The following LRP1B variants were observed in gnomAD, a reference collection of about 807,000 sequenced individuals.
The protein encoded by LRP1B is LDL receptor related protein 1B, also known as low-density lipoprotein receptor-related protein 1B.
A neutral mutation model predicts 556.6 loss-of-function variants in LRP1B; 217 were observed. That is an observed-to-expected ratio of 0.39 (90% CI 0.35 to 0.44). LRP1B has a LOEUF of 0.44. Ranked by LOEUF, LRP1B falls within the 20% of genes least tolerant of loss-of-function variation. The pLI, the probability that LRP1B is intolerant of heterozygous loss-of-function variation, is 1.00. For synonymous variants in LRP1B, 2,047 were observed against 1,865.8 expected (o/e 1.10, Z -2.50); for missense variants, 5,053 against 5,620.8 (o/e 0.90, Z 3.23).
At chr2:141,366,764 A>G (rs1573863585) in intron 3 of LRP1B, among the ~76,000 whole-genome samples, 1 of 152,206 alleles carries the variant, frequency 6.6e-6, no homozygotes, top group African/African-American at 2.4e-5. Flanking sequence ...TTGCCCATCA[A>G]TTTAGAAAAC....
At chr2:141,046,654 G>A (rs899425104) in intron 11 of LRP1B, among the ~76,000 whole-genome samples, 2 of 152,060 alleles carry the variant, frequency 1.3e-5, no homozygotes, top group African/African-American at 4.8e-5. Flanking sequence ...TAGGTGGAAT[G>A]CAAAGAACCA....
chr2:142,031,610 A>G (rs1159420513), intron 1 of LRP1B, among the ~76,000 whole-genome samples: 1 of 149,214 alleles, frequency 6.7e-6, no homozygotes, highest in Non-Finnish European at 1.5e-5. Context: ...CATATTGTCA[A>G]CTAAAAAAAA....
chr2:141,186,756 T>C (rs1443056543), intron 7 of LRP1B, among the ~76,000 whole-genome samples: 1 of 152,064 alleles, frequency 6.6e-6, no homozygotes, highest in East Asian at 1.9e-4. Context: ...AAAATATGGT[T>C]CTTTCATACA....
chr2:141,406,701 T>C (rs542204025), intron 3 of LRP1B, among the ~76,000 whole-genome samples: 1 of 152,228 alleles, frequency 6.6e-6, no homozygotes, highest in African/African-American at 2.4e-5. Context: ...AGGCATGTTG[T>C]ATTAAATTAT....
chr2:140,415,404 C>T (rs193134826), intron 66 of LRP1B, among the ~76,000 whole-genome samples: 1 of 152,320 alleles, frequency 6.6e-6, no homozygotes, highest in Admixed American at 6.5e-5. Flanking sequence ...CCTGTTCTTA[C>T]ACCCCCTCTC....
intron 3 of LRP1B, among the ~76,000 whole-genome samples, chr2:141,437,749 T>C (rs1680816702): frequency 6.6e-6 from 1 of 151,804 alleles, no homozygotes; most frequent in South Asian, 2.1e-4. Context: ...AGGCTGTCTT[T>C]TCTAGTCACA....
At chr2:140,654,449 T>C (rs1188424461) in intron 41 of LRP1B, among the ~76,000 whole-genome samples, 1 of 152,192 alleles carries the variant, frequency 6.6e-6, no homozygotes, top group Admixed American at 6.5e-5. Context: ...CTTTATCAGT[T>C]ATTTTAAAGA....
chr2:141,112,660 G>A (rs1011337909), intron 7 of LRP1B, among the ~76,000 whole-genome samples: 2 of 152,144 alleles, frequency 1.3e-5, no homozygotes, highest in Non-Finnish European at 2.9e-5. Flanking sequence ...TTATGGATCG[G>A]TTGATGAAAA....
intron 4 of LRP1B, among the ~76,000 whole-genome samples, chr2:141,247,840 G>A (rs535241663): frequency 3.9e-5 from 6 of 152,226 alleles, no homozygotes; most frequent in Non-Finnish European, 8.8e-5. Flanking sequence ...TAAAGATTTT[G>A]TCTTAAATAA....
At chr2:141,875,167 T>C (rs1698713469) in intron 1 of LRP1B, among the ~76,000 whole-genome samples, 1 of 151,668 alleles carries the variant, frequency 6.6e-6, no homozygotes, top group South Asian at 2.1e-4. Flanking sequence ...AAAATGATGA[T>C]ATATATGACA....
chr2:141,170,218 G>A lies in LRP1B; in HGVS notation c.1013+18203C>T, dbSNP rs189143203. 2.4e-3 allele frequency among the ~76,000 whole-genome samples: 363 copies of A among 152,184 alleles called. 2 individuals are homozygous for A. The highest frequency in any genetic ancestry group is 8.0e-3 in the African/African-American group (331 of 41,552). ...ACTGAAGAAGCATTTTGTATTGTGC[G>A]AGAGAGTCAGCTAGTCCTTACTTTT... On this transcript the variant is annotated intron_variant, in intron 7 of 90. Transcript: ENST00000389484.
chr2:142,115,527 A>ATATATATTATATATATATAT lies in LRP1B; in HGVS notation c.82+15120_82+15121insATATATATATATAATATATA, dbSNP rs1198114591. Among the ~76,000 whole-genome samples, 4 of 54,952 alleles carry ATATATATTATATATATATAT rather than the reference A, an allele frequency of 7.3e-5. 2 individuals carry two copies. Among genetic ancestry groups the ATATATATTATATATATATAT allele is most frequent in the Non-Finnish European group, 1.4e-4 (4 of 27,666 alleles). 36.1% of individuals were successfully genotyped at this position (54,952 alleles called of 152,430 possible). ...ATATATTATATATTACATATATAAT[A>ATATATATTATATATATATAT]TATATATTACATATGTAATATATAT... On this transcript the variant is annotated intron_variant, in intron 1 of 90. Transcript: ENST00000389484.
intron 21 of LRP1B, among the ~76,000 whole-genome samples, chr2:140,913,826 A>C (rs1480990297): frequency 6.6e-6 from 1 of 152,112 alleles, no homozygotes; most frequent in Non-Finnish European, 1.5e-5. Flanking sequence ...AGAACCATGT[A>C]TATTAAGTTT....
intron 14 of LRP1B, among the ~76,000 whole-genome samples, chr2:141,011,800 C>A (rs1697756783): frequency 1.3e-5 from 2 of 152,000 alleles, no homozygotes; most frequent in African/African-American, 4.8e-5. Flanking sequence ...CACTATTATA[C>A]ATCAATGGCA....
intron 2 of LRP1B, among the ~76,000 whole-genome samples, chr2:141,805,999 G>A (rs1478149791): frequency 6.6e-6 from 1 of 152,022 alleles, no homozygotes; most frequent in Admixed American, 6.6e-5. Flanking sequence ...AAGGGGAATG[G>A]GCAGGAAGTA....
At chr2:141,657,527 T>C (rs1299350216) in intron 2 of LRP1B, among the ~76,000 whole-genome samples, 1 of 152,188 alleles carries the variant, frequency 6.6e-6, no homozygotes, top group Non-Finnish European at 1.5e-5. Context: ...CAAGGGCCTC[T>C]GTTGAGTTCA....
chr2:141,212,122 C>G (rs1032068686), intron 6 of LRP1B, among the ~76,000 whole-genome samples: 1 of 151,674 alleles, frequency 6.6e-6, no homozygotes, highest in Non-Finnish European at 1.5e-5. Flanking sequence ...TTATAATATC[C>G]TTATAGAAGA....
chr2:140,403,979 A>C (rs1313465242), intron 66 of LRP1B, among the ~76,000 whole-genome samples: 1 of 152,158 alleles, frequency 6.6e-6, no homozygotes, highest in East Asian at 1.9e-4. Context: ...GCCTCTTTAA[A>C]CAGAATAACT....
At chr2:141,325,699 T>C (rs1456325070) in intron 3 of LRP1B, among the ~76,000 whole-genome samples, 1 of 152,080 alleles carries the variant, frequency 6.6e-6, no homozygotes, top group Non-Finnish European at 1.5e-5. Flanking sequence ...AAAAATGACA[T>C]GAACTAGAAC....
Sources: allele counts gnomAD v4.1 joint callset (sites outside exome capture counted in the v4.1 genomes callset), GRCh38; gene constraint gnomAD v4.1.1; transcripts MANE v1.5; gene names NCBI Gene and HGNC (gene_info 2026-07-23, HGNC 2026-07-21).